Variants in PDE1A observed in about 807,000 individuals in gnomAD.
The protein encoded by PDE1A is dual specificity calcium/calmodulin-dependent 3',5'-cyclic nucleotide phosphodiesterase 1A.
Under a neutral mutation model 61.7 loss-of-function variants are expected in PDE1A, and 35 were observed. The ratio of observed to expected loss-of-function variants is 0.57; its 90% confidence interval spans 0.43 to 0.75. The LOEUF is 0.75. Among genes scored for constraint, PDE1A ranks in the 30% least tolerant of loss-of-function variants. The pLI, the probability that PDE1A is intolerant of heterozygous loss-of-function variation, is 0.00. For missense variants in PDE1A, 597 were observed against 630.6 expected, an observed-to-expected ratio of 0.95 and a Z score of 0.57; for synonymous variants, 232 against 213.2, an observed-to-expected ratio of 1.09 and a Z score of -0.77.
chr2:182,586,980 G>A, the PDE1A span, among the ~76,000 whole-genome samples: 11 of 152,152 alleles, frequency 7.2e-5, no homozygotes, highest in Admixed American at 1.3e-4. Context: ...GAAAGGGCAC[G>A]TAACCCAGTT....
chr2:182,359,378 T>C (rs1163229369), intron 1 of PDE1A, among the ~76,000 whole-genome samples: 1 of 152,078 alleles, frequency 6.6e-6, no homozygotes, highest in African/African-American at 2.4e-5. Flanking sequence ...CTCCATCCGA[T>C]TCTTGATAGG....
chr2:182,672,627 A>G, the PDE1A span, among the ~76,000 whole-genome samples: 1 of 152,232 alleles, frequency 6.6e-6, no homozygotes, highest in Admixed American at 6.5e-5. Flanking sequence ...GAAGCCATCA[A>G]AAAGACAAAT....
At chr2:182,495,143 T>G (rs1445214339) in intron 2 of PDE1A, among the ~76,000 whole-genome samples, 1 of 152,206 alleles carries the variant, frequency 6.6e-6, no homozygotes, top group Non-Finnish European at 1.5e-5. Flanking sequence ...CACGTGCCCC[T>G]GACATTAGTA....
chr2:182,516,962 G>T (rs1331896466), intron 2 of PDE1A, among the ~76,000 whole-genome samples: 1 of 151,980 alleles, frequency 6.6e-6, no homozygotes, highest in African/African-American at 2.4e-5. Context: ...AACTCCATCT[G>T]CTCCTTTAAT....
At chr2:182,445,634 T>C (rs577055907) in intron 2 of PDE1A, among the ~76,000 whole-genome samples, 3 of 152,152 alleles carry the variant, frequency 2.0e-5, no homozygotes, top group Non-Finnish European at 2.9e-5. Context: ...TTCAATGATT[T>C]AGGCAATGTT....
intron 2 of PDE1A, among the ~76,000 whole-genome samples, chr2:182,475,668 C>T (rs1263472003): frequency 6.6e-6 from 1 of 151,962 alleles, no homozygotes; most frequent in Non-Finnish European, 1.5e-5. Flanking sequence ...CCACAAAACA[C>T]TTCTCAAACA....
At chr2:182,570,088 G>C in the PDE1A span, among the ~76,000 whole-genome samples, 148 of 152,214 alleles carry the variant, frequency 9.7e-4, no homozygotes, top group African/African-American at 3.4e-3. Context: ...CCTGGGGTTT[G>C]GGGACACAAA....
chr2:182,237,628 G>T (rs1440575076), intron 3 of PDE1A, among the ~76,000 whole-genome samples: 1 of 152,194 alleles, frequency 6.6e-6, no homozygotes, highest in Non-Finnish European at 1.5e-5. Flanking sequence ...TGAAAAATAA[G>T]ATACAATATA....
chr2:182,176,903 T>A (rs1355623775), intron 13 of PDE1A, among the ~76,000 whole-genome samples: 1 of 149,840 alleles, frequency 6.7e-6, no homozygotes, highest in African/African-American at 2.5e-5. Flanking sequence ...GAAGAGTTGT[T>A]GAATTTTGTC....
chr2:182,400,928 T>C (rs1701966233), intron 1 of PDE1A, among the ~76,000 whole-genome samples: 1 of 152,198 alleles, frequency 6.6e-6, no homozygotes, highest in Non-Finnish European at 1.5e-5. Flanking sequence ...CAAACATTAA[T>C]GATTCCTATC....
intron 2 of PDE1A, among the ~76,000 whole-genome samples, chr2:182,515,560 G>A (rs1424217789): frequency 3.3e-5 from 5 of 152,154 alleles, no homozygotes; most frequent in Admixed American, 1.3e-4. Flanking sequence ...ATAACATAAT[G>A]TTATGTAGGA....
intron 2 of PDE1A, among the ~76,000 whole-genome samples, chr2:182,242,943 G>GTGTGTGTGTGTGTT (rs71008214): frequency 0.01 from 1,411 of 137,406 alleles, 35 homozygotes; most frequent in South Asian, 0.028. Context: ...GTATGTGTGT[G>GTGTGTGTGTGTGTT]TGTGTGTTGT....
chr2:182,482,260 C>T (rs1051054395), intron 2 of PDE1A, among the ~76,000 whole-genome samples: 4 of 151,756 alleles, frequency 2.6e-5, no homozygotes, highest in Non-Finnish European at 2.9e-5. Context: ...TAGGTTATCA[C>T]CTAGTTTTTA....
chr2:182,555,361 G>C, the PDE1A span, among the ~76,000 whole-genome samples: 1 of 152,150 alleles, frequency 6.6e-6, no homozygotes, highest in Non-Finnish European at 1.5e-5. Flanking sequence ...CAAGATTTCA[G>C]GAGCTACAAT....
the PDE1A span, among the ~76,000 whole-genome samples, chr2:182,698,366 AG>A: frequency 1.3e-5 from 2 of 151,540 alleles, no homozygotes; most frequent in African/African-American, 4.8e-5. Context: ...GAAATAGCAA[AG>A]GCTGATATTA....
chr2:182,589,232 AAAAG>A, the PDE1A span, among the ~76,000 whole-genome samples: 5 of 144,130 alleles, frequency 3.5e-5, no homozygotes, highest in Non-Finnish European at 6.1e-5. Flanking sequence ...AGAAAAGAAA[AAAAG>A]GGGAAAAAAA....
intron 1 of PDE1A, among the ~76,000 whole-genome samples, chr2:182,354,374 C>G (rs833152): frequency 5.3e-5 from 8 of 151,926 alleles, no homozygotes; most frequent in Non-Finnish European, 1.2e-4. Context: ...CCTATCAATC[C>G]TGTAGTTTCC....
intron 1 of PDE1A, among the ~76,000 whole-genome samples, chr2:182,326,428 C>A (rs1201843256): frequency 6.6e-6 from 1 of 151,958 alleles, no homozygotes; most frequent in East Asian, 1.9e-4. Flanking sequence ...CATAGATAAA[C>A]CTAGAAAATA....
the PDE1A span, among the ~76,000 whole-genome samples, chr2:182,581,820 A>G: frequency 1.3e-5 from 2 of 152,114 alleles, no homozygotes; most frequent in Non-Finnish European, 2.9e-5. Context: ...GCTGATCTCA[A>G]TCCACTCGAG....
Sources: gnomAD v4.1 joint callset for allele counts (sites outside exome capture counted in the v4.1 genomes callset) on GRCh38, gnomAD v4.1.1 for gene constraint, MANE v1.5 for transcripts, NCBI Gene and HGNC (gene_info 2026-07-23, HGNC 2026-07-21) for gene names.